The following CACNA2D3 variants were observed in gnomAD, a reference collection of about 807,000 sequenced individuals.
CACNA2D3 encodes the protein voltage-dependent calcium channel subunit alpha-2/delta-3.
A neutral mutation model predicts 160.6 loss-of-function variants in CACNA2D3; 60 were observed. The observed-to-expected ratio is 0.37, with a 90% confidence interval of 0.30 to 0.46. The LOEUF is 0.46. Among genes scored for constraint, CACNA2D3 ranks in the 20% least tolerant of loss-of-function variants. The pLI is 1.00. For synonymous variants in CACNA2D3, 558 were observed against 492.9 expected (o/e 1.13, Z -1.75); for missense variants, 1,205 against 1,365.0 (o/e 0.88, Z 1.85).
In CACNA2D3 at chr3:54,736,116, T is replaced by C. The variant is rs62254476; in HGVS notation, c.1168-16483T>C. ...ATATATATACATATATATGTATATATATACATATATATATGTATATATATA... is the reference window on the plus strand; with the variant it reads ...ATATATATACATATATATGTATATACATACATATATATATGTATATATATA... On this transcript the variant is annotated intron_variant, in intron 11 of 37. Coordinates refer to ENST00000474759, the MANE Select transcript of CACNA2D3 (RefSeq NM_018398.3). 2.0e-3 allele frequency among the ~76,000 whole-genome samples: 64 copies of C among 32,170 alleles called. 6 individuals are homozygous for C. The highest frequency in any genetic ancestry group is 2.8e-3 in the Non-Finnish European group (46 of 16,274). The allele number at this position is 32,170 out of a possible 152,430, so 21.1% of individuals were successfully genotyped here.
chr3:54,871,204 C>CAGAG (rs796913573), intron 17 of CACNA2D3, among the ~76,000 whole-genome samples: 2,370 of 145,918 alleles, frequency 0.016, 87 homozygotes, highest in African/African-American at 0.06. Context: ...CACACACACA[C>CAGAG]ACACACACAC....
chr3:54,646,440 C>T (rs1699652546), intron 11 of CACNA2D3, among the ~76,000 whole-genome samples: 1 of 151,746 alleles, frequency 6.6e-6, no homozygotes. Context: ...TGTTGTTTGC[C>T]CCCATGTGTC....
chr3:54,662,306 A>G (rs1575411908), intron 11 of CACNA2D3, among the ~76,000 whole-genome samples: 1 of 151,746 alleles, frequency 6.6e-6, no homozygotes, highest in South Asian at 2.1e-4. Context: ...GGAGCCTGAC[A>G]CTCCCTGGAC....
chr3:54,665,575 T>C (rs1700049900), intron 11 of CACNA2D3, among the ~76,000 whole-genome samples: 1 of 152,118 alleles, frequency 6.6e-6, no homozygotes, highest in Non-Finnish European at 1.5e-5. Flanking sequence ...ACATGTACAG[T>C]AACTGCACTA....
At chr3:54,286,540 C>T (rs1380802545) in intron 2 of CACNA2D3, among the ~76,000 whole-genome samples, 2 of 152,186 alleles carry the variant, frequency 1.3e-5, no homozygotes, top group Non-Finnish European at 1.5e-5. Flanking sequence ...CTCAATCTAG[C>T]AAGGCAGGCC....
At chr3:54,634,150 T>G (rs1269693208) in intron 10 of CACNA2D3, among the ~76,000 whole-genome samples, 2 of 152,176 alleles carry the variant, frequency 1.3e-5, no homozygotes, top group African/African-American at 2.4e-5. Flanking sequence ...ACGTCTCTCA[T>G]TCACCAGTGG....
chr3:54,174,681 C>T (rs540784228), intron 2 of CACNA2D3, among the ~76,000 whole-genome samples: 18 of 152,274 alleles, frequency 1.2e-4, no homozygotes, highest in Non-Finnish European at 2.2e-4. Context: ...CCCGCCACCA[C>T]GCCTGGCTAA....
At chr3:54,185,454 T>G (rs1700864309) in intron 2 of CACNA2D3, among the ~76,000 whole-genome samples, 1 of 152,204 alleles carries the variant, frequency 6.6e-6, no homozygotes, top group South Asian at 2.1e-4. Flanking sequence ...TTATTTAAGA[T>G]CCAAAATTTT....
intron 16 of CACNA2D3, among the ~76,000 whole-genome samples, chr3:54,843,136 A>G (rs1407656228): frequency 6.6e-6 from 1 of 151,738 alleles, no homozygotes; most frequent in Non-Finnish European, 1.5e-5. Flanking sequence ...TAATTTTTGT[A>G]TTTTTAGTAG....
At chr3:54,586,489 G>T (rs1702764302) in intron 9 of CACNA2D3, among the ~76,000 whole-genome samples, 1 of 152,164 alleles carries the variant, frequency 6.6e-6, no homozygotes, top group African/African-American at 2.4e-5. Context: ...AATCCTAAGT[G>T]TGTTTGGATC....
At chr3:54,605,523 C>T (rs1009779798) in intron 9 of CACNA2D3, among the ~76,000 whole-genome samples, 5 of 152,194 alleles carry the variant, frequency 3.3e-5, no homozygotes, top group African/African-American at 7.2e-5. Flanking sequence ...CCTGACCACC[C>T]AACCACAGCA....
intron 12 of CACNA2D3, among the ~76,000 whole-genome samples, chr3:54,757,447 G>A (rs1215505653): frequency 6.6e-6 from 1 of 152,058 alleles, no homozygotes; most frequent in Non-Finnish European, 1.5e-5. Context: ...CACATGTAGT[G>A]TCCCCCAAAA....
intron 18 of CACNA2D3, among the ~76,000 whole-genome samples, chr3:54,873,651 G>A (rs1699592878): frequency 6.6e-6 from 1 of 152,156 alleles, no homozygotes; most frequent in South Asian, 2.1e-4. Context: ...ACCCAGGACT[G>A]CGTTCTGTCT....
chr3:54,773,472 C>G (rs1702357499), intron 13 of CACNA2D3, among the ~76,000 whole-genome samples: 1 of 152,126 alleles, frequency 6.6e-6, no homozygotes, highest in Non-Finnish European at 1.5e-5. Flanking sequence ...CATTACATGG[C>G]AAGGAGGAAA....
rs552387834 is a variant in CACNA2D3, at chr3:54,347,045, G to A, written c.321+26487G>A. On this transcript the variant is annotated intron_variant, in intron 3 of 37. Coordinates refer to ENST00000474759, the MANE Select transcript of CACNA2D3 (RefSeq NM_018398.3). ...GGCTGACTGTGAAGGTTACAAATGC[G>A]ATGAGGAAAATGACAAAGCCAGCCA... Among the ~76,000 whole-genome samples the A allele has an allele frequency of 1.5e-4, 23 of 152,314 alleles. No homozygotes were observed. The South Asian group carries it at 3.1e-3, about 21-fold the overall frequency.
At chr3:55,042,586 T>C (rs1189582556) in intron 35 of CACNA2D3, among the ~76,000 whole-genome samples, 1 of 152,206 alleles carries the variant, frequency 6.6e-6, no homozygotes, top group African/African-American at 2.4e-5. Context: ...TCTTTCTTTT[T>C]AGCTGTTATT....
intron 15 of CACNA2D3, among the ~76,000 whole-genome samples, chr3:54,837,919 C>T (rs1698730785): frequency 6.6e-6 from 1 of 152,136 alleles, no homozygotes; most frequent in South Asian, 2.1e-4. Flanking sequence ...TTCCAAATAG[C>T]ATTATATTCT....
In CACNA2D3 at chr3:54,461,090, G is replaced by C. The variant is rs537541205; in HGVS notation, c.382-42402G>C. ...TGCTGGATTACATTTATTGATTTGC[G>C]TATATTGAACCAGCCTTGCATCCCA... is the stretch of plus-strand genomic sequence containing the variant. On this transcript the variant is annotated intron_variant, in intron 4 of 37. Transcript: ENST00000474759. Among the ~76,000 whole-genome samples the C allele has an allele frequency of 3.1e-3, 465 of 152,020 alleles. 2 individuals carry two copies. Among genetic ancestry groups the C allele is most frequent in the Non-Finnish European group, 5.1e-3 (344 of 67,920 alleles).
intron 27 of CACNA2D3, among the ~76,000 whole-genome samples, chr3:54,908,225 T>C (rs58006851): frequency 0.59 from 90,119 of 151,570 alleles, 26,985 homozygotes; most frequent in East Asian, 0.81. Context: ...CTGTCTGTCT[T>C]TTTTATTTTA....
Sources: gnomAD v4.1 joint callset for allele counts (sites outside exome capture counted in the v4.1 genomes callset) on GRCh38, gnomAD v4.1.1 for gene constraint, MANE v1.5 for transcripts, NCBI Gene and HGNC (gene_info 2026-07-23, HGNC 2026-07-21) for gene names.